The following CNTNAP5 variants were observed in gnomAD, a reference collection of about 807,000 sequenced individuals.
CNTNAP5 encodes the protein contactin associated protein family member 5, also known as contactin-associated protein-like 5.
In CNTNAP5, 72 loss-of-function variants were observed where a neutral mutation model predicts 150.2. The observed-to-expected ratio is 0.48, with a 90% CI of 0.40 to 0.58. The LOEUF is 0.58. Ranked by LOEUF, CNTNAP5 falls within the 20% of genes least tolerant of loss-of-function variation. The probability of loss-of-function intolerance (pLI) is 0.00; values close to 1 mark genes in which losing one functional copy is unlikely to be tolerated. For missense variants in CNTNAP5, 1,636 were observed against 1,626.2 expected (o/e 1.01, Z -0.10); for synonymous variants, 672 against 619.8 (o/e 1.08, Z -1.25).
intron 3 of CNTNAP5, among the ~76,000 whole-genome samples, chr2:124,357,040 C>T (rs1440504022): frequency 6.6e-6 from 1 of 152,162 alleles, no homozygotes; most frequent in Non-Finnish European, 1.5e-5. Context: ...TTTTGCTTTG[C>T]ATTTCTCTGA....
chr2:124,203,425 T>C (rs1485516529), intron 1 of CNTNAP5, among the ~76,000 whole-genome samples: 4 of 152,084 alleles, frequency 2.6e-5, no homozygotes, highest in Non-Finnish European at 4.4e-5. Context: ...CATTCTGAGG[T>C]CTGGAGGAAG....
intron 1 of CNTNAP5, among the ~76,000 whole-genome samples, chr2:124,180,925 G>A (rs1685192891): frequency 6.6e-6 from 1 of 151,772 alleles, no homozygotes; most frequent in African/African-American, 2.4e-5. Flanking sequence ...ATCAAGCCTG[G>A]TAAAAGCCAA....
chr2:124,654,784 C>T (rs1363892778), intron 13 of CNTNAP5, among the ~76,000 whole-genome samples: 1 of 152,012 alleles, frequency 6.6e-6, no homozygotes, highest in Non-Finnish European at 1.5e-5. Context: ...CCCGCCTCCA[C>T]AGACACACGC....
chr2:124,408,944 T>C (rs369575554), intron 3 of CNTNAP5, among the ~76,000 whole-genome samples: 7,431 of 150,846 alleles, frequency 0.049, 217 homozygotes, highest in South Asian at 0.11. Flanking sequence ...CTCTGAGCTA[T>C]GGGAGGACAT....
At chr2:124,346,440 A>C (rs1689738922) in intron 3 of CNTNAP5, among the ~76,000 whole-genome samples, 1 of 152,242 alleles carries the variant, frequency 6.6e-6, no homozygotes, top group East Asian at 1.9e-4. Context: ...CACAATGAAC[A>C]TACCAGTTAG....
chr2:124,214,490 CT>C (rs1216701698), intron 1 of CNTNAP5, among the ~76,000 whole-genome samples: 1 of 152,176 alleles, frequency 6.6e-6, no homozygotes, highest in African/African-American at 2.4e-5. Context: ...CTTTTACTCT[CT>C]GCAAAGCCTG....
intron 13 of CNTNAP5, among the ~76,000 whole-genome samples, chr2:124,716,410 A>G (rs1046091387): frequency 6.6e-6 from 1 of 152,122 alleles, no homozygotes; most frequent in African/African-American, 2.4e-5. Flanking sequence ...AGATTTATTT[A>G]TAGAACACCT....
intron 3 of CNTNAP5, among the ~76,000 whole-genome samples, chr2:124,384,096 T>C (rs1690870202): frequency 6.6e-6 from 1 of 152,150 alleles, no homozygotes; most frequent in Non-Finnish European, 1.5e-5. Flanking sequence ...AAACATACAT[T>C]ATTATATTAT....
At chr2:124,477,641 T>G (rs866746286) in intron 7 of CNTNAP5, among the ~76,000 whole-genome samples, 1 of 148,186 alleles carries the variant, frequency 6.7e-6, no homozygotes, top group Non-Finnish European at 1.5e-5. Flanking sequence ...ACATAAACAC[T>G]GGCTTGCTCA....
At chr2:124,150,461 G>A (rs1684378086) in intron 1 of CNTNAP5, among the ~76,000 whole-genome samples, 1 of 152,114 alleles carries the variant, frequency 6.6e-6, no homozygotes, top group Non-Finnish European at 1.5e-5. Flanking sequence ...TGGATTCTTA[G>A]TCAGTTTCAG....
chr2:124,085,844 T>C (rs1682675117), intron 1 of CNTNAP5, among the ~76,000 whole-genome samples: 1 of 152,216 alleles, frequency 6.6e-6, no homozygotes, highest in Non-Finnish European at 1.5e-5. Flanking sequence ...TGATATTCTA[T>C]TTCCGTCAAA....
intron 13 of CNTNAP5, among the ~76,000 whole-genome samples, chr2:124,729,528 C>T (rs187354378): frequency 2.4e-4 from 36 of 152,096 alleles, no homozygotes; most frequent in East Asian, 1.2e-3. Flanking sequence ...TACAGTCAAA[C>T]GCTAATTTTG....
rs1558933248 is a variant in CNTNAP5, at chr2:124,510,285, C to CTATATATCTATATATCTATATA, written c.1327+5735_1327+5756dup. ...TATATCTATATATCTATATCTATAT[C>CTATATATCTATATATCTATATA]TATATATCTATATATCTATATATAT... On this transcript the variant is annotated intron_variant, in intron 8 of 23. Coordinates refer to ENST00000682447, the MANE Select transcript of CNTNAP5 (RefSeq NM_001367498.1). Among the ~76,000 whole-genome samples, 47 of 73,286 alleles carry CTATATATCTATATATCTATATA rather than the reference C, an allele frequency of 6.4e-4. 4 individuals are homozygous for CTATATATCTATATATCTATATA. The Middle Eastern group carries it at 0.025, about 38-fold the overall frequency. 48.1% of individuals were successfully genotyped at this position (73,286 alleles called of 152,430 possible).
chr2:124,607,042 C>T (rs902593008), intron 11 of CNTNAP5, among the ~76,000 whole-genome samples: 1 of 152,132 alleles, frequency 6.6e-6, no homozygotes, highest in Non-Finnish European at 1.5e-5. Flanking sequence ...GTCTTTGAAT[C>T]CTTACTACAA....
intron 1 of CNTNAP5, among the ~76,000 whole-genome samples, chr2:124,191,498 A>G (rs1685456099): frequency 6.6e-6 from 1 of 152,164 alleles, no homozygotes; most frequent in African/African-American, 2.4e-5. Context: ...TATTATATAT[A>G]TATCATATGT....
intron 19 of CNTNAP5, among the ~76,000 whole-genome samples, chr2:124,859,228 C>T (rs1364919773): frequency 6.6e-6 from 1 of 151,986 alleles, no homozygotes; most frequent in Non-Finnish European, 1.5e-5. Context: ...AACAAACAAC[C>T]CCATCAACAA....
chr2:124,560,786 G>T (rs981427474), intron 10 of CNTNAP5, among the ~76,000 whole-genome samples: 6 of 152,002 alleles, frequency 3.9e-5, no homozygotes, highest in Non-Finnish European at 8.8e-5. Flanking sequence ...CACAGTGTTG[G>T]CATCCCCCTT....
intron 3 of CNTNAP5, among the ~76,000 whole-genome samples, chr2:124,286,032 C>T (rs1394894239): frequency 6.6e-6 from 1 of 152,142 alleles, no homozygotes; most frequent in Non-Finnish European, 1.5e-5. Flanking sequence ...TTATTATTTA[C>T]TGATCTCTCA....
chr2:124,487,018 T>C (rs992611817), intron 7 of CNTNAP5, among the ~76,000 whole-genome samples: 1 of 152,226 alleles, frequency 6.6e-6, no homozygotes, highest in African/African-American at 2.4e-5. Flanking sequence ...TGAAATTGTT[T>C]TATTTCCCTG....
Sources: gnomAD v4.1 joint callset for allele counts (sites outside exome capture counted in the v4.1 genomes callset) on GRCh38, gnomAD v4.1.1 for gene constraint, MANE v1.5 for transcripts, NCBI Gene and HGNC (gene_info 2026-07-23, HGNC 2026-07-21) for gene names.